NDUFB3: variants seen among roughly 807,000 people sequenced by gnomAD.
NDUFB3 encodes NADH dehydrogenase [ubiquinone] 1 beta subcomplex subunit 3.
NDUFB3 carries 7 observed loss-of-function variants against 9.0 expected under a neutral mutation model. The observed-to-expected ratio is 0.78, with a 90% CI of 0.44 to 1.46. NDUFB3 has a LOEUF of 1.46. Among genes scored for constraint, NDUFB3 ranks in the 40% most tolerant of loss-of-function variants. The pLI is 0.01. For missense variants in NDUFB3, 93 were observed against 115.4 expected, an observed-to-expected ratio of 0.81 and a Z score of 0.89; for synonymous variants, 29 against 38.5, an observed-to-expected ratio of 0.75 and a Z score of 0.91.
chr2:201,078,709 T>C (rs2047192214), intron 1 of NDUFB3, among the ~76,000 whole-genome samples, 172 bp from the exon 2 acceptor site: 1 of 152,172 alleles, frequency 6.6e-6, no homozygotes. Flanking sequence ...ACTGTGAACA[T>C]GGTTGTAGAA....
rs777036844 is a variant in NDUFB3 at position 201,078,966 on chromosome 2, A to G, written c.84A>G (p.Pro28=). ...DYRQWKIEGT[P]LETIQKKLAA... is the part of the protein sequence containing the mutation. Reference sequence around the variant, plus strand: ...GACAATGGAAGATAGAAGGGACACCATTAGAAACTATCCAGAAGAAGCTGG... The same window carrying G: ...GACAATGGAAGATAGAAGGGACACCGTTAGAAACTATCCAGAAGAAGCTGG... The change falls in exon 2 of 3, where the codon CCA becomes CCG. Residue 28 remains proline, a synonymous_variant. Coordinates refer to ENST00000237889, the MANE Select transcript of NDUFB3 (RefSeq NM_002491.3). 22 of 1,613,650 alleles carry G rather than the reference A, an allele frequency of 1.4e-5. No individual in the cohort carries two copies. Among genetic ancestry groups the G allele is most frequent in the Non-Finnish European group, 1.9e-5 (22 of 1,179,810 alleles).
intron 1 of NDUFB3, among the ~76,000 whole-genome samples, chr2:201,077,817 T>C (rs1476279502): frequency 6.6e-6 from 1 of 152,226 alleles, no homozygotes; most frequent in Non-Finnish European, 1.5e-5. Flanking sequence ...TTACCTCTTT[T>C]ACCCACAAAG....
At chr2:201,076,513 AAT>A (rs2047165019) in intron 1 of NDUFB3, among the ~76,000 whole-genome samples, 1 of 144,036 alleles carries the variant, frequency 6.9e-6, no homozygotes, top group African/African-American at 2.6e-5. Context: ...ATATATATAT[AAT>A]TAAATGTGAA....
At chr2:201,076,605 A>C (rs774794495) in intron 1 of NDUFB3, among the ~76,000 whole-genome samples, 1 of 150,096 alleles carries the variant, frequency 6.7e-6, no homozygotes, top group African/African-American at 2.5e-5. Context: ...AGTATGTACA[A>C]TTTTTTTCTC....
chr2:201,074,518 G>A lies in NDUFB3; in HGVS notation c.-3+2459G>A, dbSNP rs185422141. ...GTCACCCAGGCTGGAGTGCAGTGGC[G>A]CAATCTCGGCTCACTGCAACCTCCA... is the stretch of plus-strand genomic sequence containing the variant. On this transcript the variant is annotated intron_variant, in intron 1 of 2. Coordinates refer to ENST00000237889, the MANE Select transcript of NDUFB3 (RefSeq NM_002491.3). Among the ~76,000 whole-genome samples, 251 of 147,438 alleles carry A rather than the reference G, an allele frequency of 1.7e-3. 5 individuals are homozygous for A. In the East Asian group the frequency reaches 0.032, roughly 19 times the overall value.
chr2:201,076,228 G>A (rs902500405), intron 1 of NDUFB3, among the ~76,000 whole-genome samples: 2 of 151,988 alleles, frequency 1.3e-5, no homozygotes, highest in African/African-American at 4.8e-5. Context: ...CCTCCTGGGT[G>A]TGGCTGTAAT....
chr2:201,074,278 A>T (rs377482956), intron 1 of NDUFB3, among the ~76,000 whole-genome samples: 163 of 152,006 alleles, frequency 1.1e-3, no homozygotes, highest in African/African-American at 3.4e-3. Context: ...ATATTTTCTA[A>T]TAACGATTTG....
At chr2:201,078,783 A>C in intron 1 of NDUFB3, 98 bp from the exon 2 acceptor site, 1 of 1,139,182 alleles carries the variant, frequency 8.8e-7, no homozygotes, top group South Asian at 1.6e-5. Flanking sequence ...TTTTTTTTTT[A>C]ATATTAAATG....
intron 1 of NDUFB3, among the ~76,000 whole-genome samples, chr2:201,074,426 G>A (rs1323312776): frequency 6.7e-6 from 1 of 148,610 alleles, no homozygotes; most frequent in African/African-American, 2.5e-5. Context: ...GAGTGGAATT[G>A]ATGGCCATAA....
At chr2:201,074,016 G>A (rs1373632061) in intron 1 of NDUFB3, among the ~76,000 whole-genome samples, 11 of 150,688 alleles carry the variant, frequency 7.3e-5, no homozygotes, top group South Asian at 4.2e-4. Flanking sequence ...GCAGTGGCGC[G>A]ATCTCGGCTT....
Position 201,080,886 on chromosome 2 carries a change from G to A in NDUFB3, c.140+1864G>A, listed in dbSNP as rs367565786. 2.5e-4 allele frequency among the ~76,000 whole-genome samples: 38 copies of A among 151,240 alleles called. No homozygotes were observed. In the East Asian group the frequency reaches 5.6e-3, roughly 22 times the overall value. On this transcript the variant is annotated intron_variant, in intron 2 of 2. Transcript: ENST00000237889. ...GCCCTGCTAATTTTTTGTATTTTTA[G>A]TAGAGACGGGGTTTCACCGTGTTAG...
At chr2:201,076,988 C>A (rs1368846620) in intron 1 of NDUFB3, among the ~76,000 whole-genome samples, 1 of 151,576 alleles carries the variant, frequency 6.6e-6, no homozygotes, top group African/African-American at 2.4e-5. Flanking sequence ...TAATCCCAGC[C>A]ACTCAGGAGG....
intron 1 of NDUFB3, among the ~76,000 whole-genome samples, chr2:201,072,568 A>C (rs1416243257): frequency 1.3e-5 from 2 of 152,144 alleles, no homozygotes; most frequent in East Asian, 3.8e-4. Context: ...GTTGATCTTC[A>C]TGAGACTTTT....
intron 1 of NDUFB3, among the ~76,000 whole-genome samples, chr2:201,075,238 T>G (rs1230685570): frequency 6.6e-6 from 1 of 151,540 alleles, no homozygotes; most frequent in Non-Finnish European, 1.5e-5. Context: ...GAGAAAGTGT[T>G]TTCAACTTTC....
chr2:201,075,777 C>A (rs986064384), intron 1 of NDUFB3, among the ~76,000 whole-genome samples: 26 of 152,054 alleles, frequency 1.7e-4, no homozygotes, highest in Middle Eastern at 3.4e-3. Context: ...TTGAAATAGT[C>A]TTTATACCAT....
At position 201,083,088 on chromosome 2, in the gene NDUFB3, T is replaced by C. The variant is rs77560379; in HGVS notation, c.141-2371T>C. ...ATGTTCTTCATAAACAATCATTCTG[T>C]CTACAAATACATTGTTACTTCTTCC... On this transcript the variant is annotated intron_variant, in intron 2 of 2. Transcript: ENST00000237889. 3.9e-5 allele frequency among the ~76,000 whole-genome samples: 6 copies of C among 152,366 alleles called. No individual in the cohort carries two copies. In the East Asian group the frequency reaches 1.2e-3, roughly 29 times the overall value.
rs1167678240 is a variant in NDUFB3, at chr2:201,085,459, C to T, written c.141C>T (p.Arg47=). 1 of 1,577,692 alleles carries T rather than the reference C, an allele frequency of 6.3e-7. No individual in the cohort carries two copies. The highest frequency in any genetic ancestry group is 8.6e-7 in the Non-Finnish European group (1 of 1,165,112). ...AAKGLRDPWG[R]NEAWRYMGGF... ...TAATTTTTTCTTTTTTTTTTTCTAG[C>T]AATGAAGCTTGGAGATACATGGGTG... The change falls in exon 3 of 3, where the codon CGC becomes CGT. Residue 47 remains arginine, a splice_region_variant and synonymous_variant. Coordinates refer to ENST00000237889, the MANE Select transcript of NDUFB3 (RefSeq NM_002491.3).
chr2:201,085,257 G>A (rs774106912), intron 2 of NDUFB3, among the ~76,000 whole-genome samples: 4 of 152,194 alleles, frequency 2.6e-5, no homozygotes, highest in African/African-American at 4.8e-5. Context: ...AAACCATCAA[G>A]TGTTTATTCT....
chr2:201,082,307 C>T (rs2047235676), intron 2 of NDUFB3, among the ~76,000 whole-genome samples: 1 of 151,906 alleles, frequency 6.6e-6, no homozygotes, highest in Admixed American at 6.6e-5. Context: ...CTCCGTCGCC[C>T]AGGATGGAGT....
Sources: gnomAD v4.1 joint callset for allele counts (sites outside exome capture counted in the v4.1 genomes callset) on GRCh38, gnomAD v4.1.1 for gene constraint, MANE v1.5 for transcripts, NCBI Gene and HGNC (gene_info 2026-07-23, HGNC 2026-07-21) for gene names.